The following MAP3K6 variants were observed in gnomAD, a reference collection of about 807,000 sequenced individuals.
The protein encoded by MAP3K6 is apoptosis signal-regulating kinase 2.
Under a neutral mutation model 147.1 loss-of-function variants are expected in MAP3K6, and 105 were observed. That is an observed-to-expected ratio of 0.71 (90% CI 0.61 to 0.84). The LOEUF (loss-of-function observed/expected upper bound fraction) is 0.84. Ranked by LOEUF, MAP3K6 falls within the 40% of genes least tolerant of loss-of-function variation. The pLI is 0.00. For missense variants in MAP3K6, 1,569 were observed against 1,715.0 expected, an observed-to-expected ratio of 0.91 and a Z score of 1.50; for synonymous variants, 695 against 732.4, an observed-to-expected ratio of 0.95 and a Z score of 0.82.
Position 27,364,995 on chromosome 1 carries a change from C to T in MAP3K6, c.341-83G>A. Reference sequence around the variant, plus strand: ...CCGGGGTCCATCCTGGCTTGACCTGCCTTGCTGTGGGACTCCAGTAGGGTC... The same window carrying T: ...CCGGGGTCCATCCTGGCTTGACCTGTCTTGCTGTGGGACTCCAGTAGGGTC... On this transcript the variant is annotated intron_variant, in intron 1 of 28. Coordinates refer to ENST00000357582, the MANE Select transcript of MAP3K6 (RefSeq NM_004672.5). This position sits in a 1 kb window ranked among gnomAD's most constrained non-coding sequence, Gnocchi z 4.4. The T allele has an allele frequency of 6.9e-7, 1 of 1,453,530 alleles. No individual in the cohort carries two copies. Among genetic ancestry groups the T allele is most frequent in the Non-Finnish European group, 9.2e-7 (1 of 1,082,108 alleles). 90.0% of individuals were successfully genotyped at this position (1,453,530 alleles called of 1,614,324 possible).
rs1298279684 is a variant in MAP3K6 at position 27,366,309 on chromosome 1, C to T, written c.289G>A (p.Gly97Arg). ...GCGGTGTCGCCTAGCTCCAGCGTCC[C>T]GAAGGGCAGGCTGCGCAGCTGCGGG... is the stretch of plus-strand genomic sequence containing the variant. ...PPPQLRSLPF[G>R]TLELGDTAAL... The change falls in exon 1 of 29, where the codon GGG (glycine) becomes AGG (arginine). Residue 97 changes from glycine (G) to arginine (R), a missense_variant. Coordinates refer to ENST00000357582, the MANE Select transcript of MAP3K6 (RefSeq NM_004672.5). This position sits in a 1 kb window ranked among gnomAD's most constrained non-coding sequence, Gnocchi z 5.5. The T allele has an allele frequency of 2.3e-6, 3 of 1,326,990 alleles. No individual in the cohort carries two copies. The East Asian group carries it at 9.3e-5, about 41-fold the overall frequency. 82.2% of individuals were successfully genotyped at this position (1,326,990 alleles called of 1,614,324 possible). A position where few individuals can be genotyped will look rare whatever the true frequency, so the allele number is the denominator to read the frequency against.
At chr1:27,365,321 T>C (rs2015938516) in intron 1 of MAP3K6, among the ~76,000 whole-genome samples, 1 of 152,192 alleles carries the variant, frequency 6.6e-6, no homozygotes, top group Non-Finnish European at 1.5e-5. Flanking sequence ...TGCCTAAATG[T>C]ATGTATGTGT....
At position 27,360,750 on chromosome 1, in the gene MAP3K6, G is replaced by C; in HGVS notation, c.2009C>G (p.Thr670Arg). The change falls in exon 15 of 29, where the codon ACG (threonine) becomes AGG (arginine). Residue 670 changes from threonine (T) to arginine (R), a missense_variant. By Grantham distance (71) the Thr-to-Arg change is moderately conservative. Coordinates refer to ENST00000357582, the MANE Select transcript of MAP3K6 (RefSeq NM_004672.5). This position sits in a 1 kb window ranked among gnomAD's most constrained non-coding sequence, Gnocchi z 4.5. ...GVVYAGRDRH[T>R]RVRIAIKEIP... is the part of the protein sequence containing the mutation. ...CTCCTTGATGGCGATGCGCACCCTC[G>C]TGTGGCGATCGCGGCCCGCGTACAC... is the stretch of plus-strand genomic sequence containing the variant. 1 of 1,612,594 alleles carries C rather than the reference G, an allele frequency of 6.2e-7. No homozygotes were observed. The highest frequency in any genetic ancestry group is 1.6e-4 in the Middle Eastern group (1 of 6,062).
In MAP3K6 at chr1:27,362,119, G is replaced by T; in HGVS notation, c.1387C>A (p.Gln463Lys). The part of the protein sequence containing the change: ...DPTQVVLAAE[Q>K]LYKLNAPIWY... ...ATGGGGGCATTGAGCTTATACAGCT[G>T]CTCTGCAGCCAGCACCACCTGGGTG... Residue 463 changes from glutamine (Q) to lysine (K), a missense_variant, in exon 9 of 29, where the codon CAG (glutamine) becomes AAG (lysine). Physicochemically the swap from Gln to Lys is moderately conservative, Grantham distance 53. Transcript: ENST00000357582. 4 of 1,613,394 alleles carry T rather than the reference G, an allele frequency of 2.5e-6. No homozygotes were observed. Among genetic ancestry groups the T allele is most frequent in the Non-Finnish European group, 3.4e-6 (4 of 1,179,780 alleles).
chr1:27,360,828 T>A lies in MAP3K6; in HGVS notation c.1931A>T (p.Glu644Val), dbSNP rs754731744. 6.2e-7 allele frequency: 1 copy of A among 1,612,680 alleles called. No individual in the cohort carries two copies. The highest frequency in any genetic ancestry group is 8.5e-7 in the Non-Finnish European group (1 of 1,179,844). The change falls in exon 15 of 29, where the codon GAG (glutamate) becomes GTG (valine). Residue 644 changes from glutamate (E) to valine (V), a missense_variant. By Grantham distance (121) the Glu-to-Val change is moderately radical. Transcript: ENST00000357582. The surrounding 1 kb of genome is among the most constrained non-coding windows in gnomAD (Gnocchi z 4.5). The part of the protein sequence containing the change: ...GAGEMLEFDY[E>V]YTETGERLVL... Reference sequence around the variant, plus strand: ...CAGCCGCTCGCCCGTCTCCGTGTACTCATAATCAAACTGCCGGGCGCGGGG... The same window carrying A: ...CAGCCGCTCGCCCGTCTCCGTGTACACATAATCAAACTGCCGGGCGCGGGG...
Position 27,360,650 on chromosome 1 carries a change from G to T in MAP3K6, c.2054+55C>A. On this transcript the variant is annotated intron_variant, in intron 15 of 28. Coordinates refer to ENST00000357582, the MANE Select transcript of MAP3K6 (RefSeq NM_004672.5). The surrounding 1 kb of genome is among the most constrained non-coding windows in gnomAD (Gnocchi z 4.5). ...ACAGGAGCCGCTCCGCTCGTGGCCC[G>T]GCTCACTCGGCCCTCGCGAGCCCTC... 1 of 1,565,820 alleles carries T rather than the reference G, an allele frequency of 6.4e-7. No individual in the cohort carries two copies. The highest frequency in any genetic ancestry group is 8.6e-7 in the Non-Finnish European group (1 of 1,157,730).
Position 27,357,064 on chromosome 1 carries a change from A to G in MAP3K6, c.3309T>C (p.Val1103=), listed in dbSNP as rs1489033244. ...KRQIRPHWMF[V]LDSLLSRAVR... is the part of the protein sequence containing the mutation. Reference sequence around the variant, plus strand: ...CAGCACGGCTGAGCAGTGAGTCCAGAACGAACATCCAGTGTGGACGGATCT... The same window carrying G: ...CAGCACGGCTGAGCAGTGAGTCCAGGACGAACATCCAGTGTGGACGGATCT... Residue 1103 remains valine (V), a synonymous_variant, in exon 24 of 29, where the codon GTT becomes GTC. Coordinates refer to ENST00000357582, the MANE Select transcript of MAP3K6 (RefSeq NM_004672.5). 1 of 1,614,040 alleles carries G rather than the reference A, an allele frequency of 6.2e-7. No homozygotes were observed. The highest frequency in any genetic ancestry group is 1.7e-5 in the Admixed American group (1 of 60,024).
Position 27,357,439 on chromosome 1 carries a change from AGGCCCAAGGCCCTG to A in MAP3K6, c.3205_3218del (p.Gln1069CysfsTer64), listed in dbSNP as rs1557555707. The A allele has an allele frequency of 6.2e-7, 1 of 1,612,470 alleles. No individual in the cohort carries two copies. The highest frequency in any genetic ancestry group is 2.2e-5 in the East Asian group (1 of 44,816). On this transcript the variant is annotated frameshift_variant, in exon 23 of 29. Coordinates refer to ENST00000357582, the MANE Select transcript of MAP3K6 (RefSeq NM_004672.5). LOFTEE classifies it high-confidence loss of function. ...CAAACAGCGGTCTGTGCAGAAGCGC[AGGCCCAAGGCCCTG>A]GGCCCTCAGCCGTCCTTGCAGCGCC...
rs866866512 is a variant in MAP3K6, at chr1:27,360,284, G to A, written c.2139C>T (p.Ser713=). 1 of 1,613,966 alleles carries A rather than the reference G, an allele frequency of 6.2e-7. No individual in the cohort carries two copies. Among genetic ancestry groups the A allele is most frequent in the Non-Finnish European group, 8.5e-7 (1 of 1,180,004 alleles). ...TGAAGATCTTAAGGTAGCCGCCCTG[G>A]CTAGCTGAGCCCAGATAGCGCACTA... The part of the protein sequence containing the change: ...KNIVRYLGSA[S]QGGYLKIFME... Residue 713 remains serine (S), a synonymous_variant, in exon 16 of 29, where the codon AGC becomes AGT. Coordinates refer to ENST00000357582, the MANE Select transcript of MAP3K6 (RefSeq NM_004672.5). This position sits in a 1 kb window ranked among gnomAD's most constrained non-coding sequence, Gnocchi z 4.5.
chr1:27,361,498 G>T, intron 11 of MAP3K6, 22 bp downstream of exon 11: 2 of 1,613,374 alleles, frequency 1.2e-6, no homozygotes, highest in African/African-American at 2.7e-5. Flanking sequence ...AGGTGAGTGA[G>T]GGGCCTCAGC....
chr1:27,362,235 C>G lies in MAP3K6; in HGVS notation c.1271G>C (p.Cys424Ser), dbSNP rs1457488836. ...ELRLIGMKLG[C>S]LLARKGCVEK... ...CACGCAGCCTTTGCGGGCCAGCAGG[C>G]AGCCCAGCTTCATGCCTGGGGGAGA... Residue 424 changes from cysteine to serine, a missense_variant, in exon 9 of 29, where the codon TGC (cysteine) becomes TCC (serine). Coordinates refer to ENST00000357582, the MANE Select transcript of MAP3K6 (RefSeq NM_004672.5). 5 of 1,611,504 alleles carry G rather than the reference C, an allele frequency of 3.1e-6. No individual in the cohort carries two copies. The East Asian group carries it at 6.7e-5, about 22-fold the overall frequency.
At position 27,357,528 on chromosome 1, in the gene MAP3K6, C is replaced by A; in HGVS notation, c.3130G>T (p.Gly1044Trp). The A allele has an allele frequency of 1.2e-6, 2 of 1,613,388 alleles. No homozygotes were observed. The highest frequency in any genetic ancestry group is 1.7e-6 in the Non-Finnish European group (2 of 1,179,822). Residue 1044 changes from glycine to tryptophan, a missense_variant, in exon 23 of 29, where the codon GGG becomes TGG. Coordinates refer to ENST00000357582, the MANE Select transcript of MAP3K6 (RefSeq NM_004672.5). ...NHVEELLRCL[G>W]AHIHTPNRRQ... ...CGGTTGGGAGTGTGGATGTGTGCCC[C>A]GAGGCAGCGCAGCAGCTCTTCCACA...
intron 6 of MAP3K6, 57 bp downstream of exon 6, chr1:27,363,385 A>C (rs2015855121): frequency 1.4e-6 from 2 of 1,426,376 alleles, no homozygotes; most frequent in Non-Finnish European, 1.9e-6. Context: ...GCACGCAGAG[A>C]CCTAGGTTTC....
chr1:27,366,222 C>T lies in MAP3K6; in HGVS notation c.340+36G>A, dbSNP rs1372909623. On this transcript the variant is annotated intron_variant, in intron 1 of 28. Transcript: ENST00000357582. The surrounding 1 kb of genome is among the most constrained non-coding windows in gnomAD (Gnocchi z 5.5). ...TTGGTCCCCTCCCAGGACCCTGAGT[C>T]CCGCCCGGATCCGGCCCCGCCCCCA... 1.6e-6 allele frequency: 2 copies of T among 1,286,478 alleles called. No homozygotes were observed. The highest frequency in any genetic ancestry group is 6.2e-5 in the East Asian group (2 of 32,116). 79.7% of individuals were successfully genotyped at this position (1,286,478 alleles called of 1,614,324 possible). A position where few individuals can be genotyped will look rare whatever the true frequency, so the allele number is the denominator to read the frequency against.
intron 5 of MAP3K6, 65 bp downstream of exon 5, chr1:27,363,852 A>G: frequency 4.8e-6 from 7 of 1,448,102 alleles, no homozygotes; most frequent in Non-Finnish European, 6.4e-6. Context: ...CCAGCCAGGA[A>G]CTGAACTTGG....
At chr1:27,362,034 A>G in intron 9 of MAP3K6, 57 bp downstream of exon 9, 1 of 1,562,674 alleles carries the variant, frequency 6.4e-7, no homozygotes, top group Non-Finnish European at 8.7e-7. Flanking sequence ...GCCAATGGAC[A>G]TAGGTGCAGG....
chr1:27,361,266 A>C lies in MAP3K6; in HGVS notation c.1737-14T>G. The C allele has an allele frequency of 6.2e-7, 1 of 1,613,626 alleles. No individual in the cohort carries two copies. The highest frequency in any genetic ancestry group is 8.5e-7 in the Non-Finnish European group (1 of 1,179,892). On this transcript the variant is annotated splice_polypyrimidine_tract_variant and intron_variant, in intron 12 of 28. Transcript: ENST00000357582. The stretch of plus-strand genomic sequence containing the variant: ...CGCTTTGAGGCGCTGGGAAGGGATG[A>C]AGAACCCAGTAAGCGTCAGGCTGGG...
rs2015575543 is a variant in MAP3K6 at position 27,357,568 on chromosome 1, A to C, written c.3090T>G (p.Arg1030=). 2 of 1,607,578 alleles carry C rather than the reference A, an allele frequency of 1.2e-6. No individual in the cohort carries two copies. Among genetic ancestry groups the C allele is most frequent in the Non-Finnish European group, 1.7e-6 (2 of 1,176,092 alleles). Residue 1030 remains arginine (R), a synonymous_variant, in exon 23 of 29, where the codon CGT becomes CGG. Coordinates refer to ENST00000357582, the MANE Select transcript of MAP3K6 (RefSeq NM_004672.5). Reference sequence around the variant, plus strand: ...GCTCTTCCACATGGTTTCTGCCCAGACGGGCCCCCTGAGAAGGAAGAGAGG... The same window carrying C: ...GCTCTTCCACATGGTTTCTGCCCAGCCGGGCCCCCTGAGAAGGAAGAGAGG... ...HQEQKQEQGA[R]LGRNHVEELL... is the part of the protein sequence containing the mutation.
chr1:27,361,544 C>G lies in MAP3K6; in HGVS notation c.1662G>C (p.Leu554=), dbSNP rs767510105. Residue 554 remains leucine, a synonymous_variant, in exon 11 of 29, where the codon CTG becomes CTC. Transcript: ENST00000357582. ...CCTGGGTCTCAGGCTCCAGCAGGCT[C>G]AGGGTCACTGTGCTTACTGGGTCAG... ...RGTDPVSTVT[L]SLLEPETQDI... 1 of 1,614,208 alleles carries G rather than the reference C, an allele frequency of 6.2e-7. No individual in the cohort carries two copies. The highest frequency in any genetic ancestry group is 8.5e-7 in the Non-Finnish European group (1 of 1,180,036).
Sources: allele counts gnomAD v4.1 joint callset (sites outside exome capture counted in the v4.1 genomes callset), GRCh38; gene constraint gnomAD v4.1.1; non-coding constraint Gnocchi (gnomAD v3.1); transcripts MANE v1.5; gene names NCBI Gene and HGNC (gene_info 2026-07-23, HGNC 2026-07-21).